Variants in CXXC1 observed in about 807,000 individuals in gnomAD.
CXXC1 encodes CXXC-type zinc finger protein 1.
A neutral mutation model predicts 83.6 loss-of-function variants in CXXC1; 21 were observed. That is an observed-to-expected ratio of 0.25 (90% CI 0.18 to 0.36). CXXC1 has a LOEUF of 0.36. Ranked by LOEUF, CXXC1 falls within the 10% of genes least tolerant of loss-of-function variation. CXXC1 has a pLI of 1.00. For synonymous variants in CXXC1, 371 were observed against 337.5 expected (o/e 1.10, Z -1.09); for missense variants, 688 against 919.5 (o/e 0.75, Z 3.26).
chr18:50,287,231 ACCCCCAGTCG>A, intron 1 of CXXC1: 1 of 477,664 alleles, frequency 2.1e-6, no homozygotes, highest in South Asian at 2.8e-5. Flanking sequence ...ACCCGCACCC[ACCCCCAGTCG>A]CGGCTGTCCA....
At position 50,285,866 on chromosome 18, in the gene CXXC1, T is replaced by A. The variant is rs759435355; in HGVS notation, c.522A>T (p.Ala174=). Residue 174 remains alanine, a synonymous_variant, in exon 5 of 15, where the codon GCA becomes GCT. Coordinates refer to ENST00000285106, the MANE Select transcript of CXXC1 (RefSeq NM_014593.4). This position sits in a 1 kb window ranked among gnomAD's most constrained non-coding sequence, Gnocchi z 4.4. The part of the protein sequence containing the change: ...RSARMCGECE[A]CRRTEDCGHC... Reference sequence around the variant, plus strand: ...GACCACAGTCCTCAGTGCGCCGACATGCCTCACACTCACCACACATGCGGG... The same window carrying A: ...GACCACAGTCCTCAGTGCGCCGACAAGCCTCACACTCACCACACATGCGGG... The A allele has an allele frequency of 8.1e-6, 13 of 1,614,214 alleles. No individual in the cohort carries two copies. The South Asian group carries it at 1.4e-4, about 18-fold the overall frequency.
At chr18:50,284,873 C>T (rs773783308) in intron 7 of CXXC1, 34 bp from the exon 8 acceptor site, 23 of 1,613,638 alleles carry the variant, frequency 1.4e-5, no homozygotes, top group African/African-American at 8.0e-5. Flanking sequence ...CCACCTGCCC[C>T]GCTCGTGACA....
At chr18:50,284,710 T>C (rs1257587693) in intron 8 of CXXC1, 22 bp downstream of exon 8, 1 of 1,611,358 alleles carries the variant, frequency 6.2e-7, no homozygotes, top group East Asian at 2.2e-5. Context: ...CCTTTCCACA[T>C]CCACTTTACC....
chr18:50,282,705 C>T lies in CXXC1; in HGVS notation c.1859G>A (p.Arg620His). ...YKLDELFEQE[R>H]NVRTAMTNRA... Reference sequence around the variant, plus strand: ...GTTTGTCATGGCTGTGCGCACATTGCGCTCCTGCTCAAACAGCTCGTCCAG... The same window carrying T: ...GTTTGTCATGGCTGTGCGCACATTGTGCTCCTGCTCAAACAGCTCGTCCAG... The change falls in exon 15 of 15, where the codon CGC becomes CAC. Residue 620 changes from arginine (R) to histidine (H), a missense_variant. Transcript: ENST00000285106. This position sits in a 1 kb window ranked among gnomAD's most constrained non-coding sequence, Gnocchi z 5.8. 1.9e-6 allele frequency: 3 copies of T among 1,613,858 alleles called. No individual in the cohort carries two copies. The highest frequency in any genetic ancestry group is 2.5e-6 in the Non-Finnish European group (3 of 1,180,032).
In CXXC1 at chr18:50,286,803, T is replaced by G. The variant is rs2040722019; in HGVS notation, c.59A>C (p.Glu20Ala). 1 of 1,614,138 alleles carries G rather than the reference T, an allele frequency of 6.2e-7. No individual in the cohort carries two copies. The highest frequency in any genetic ancestry group is 1.3e-5 in the African/African-American group (1 of 75,046). ...GTAGATGGGCGCATTCTCCCCATTC[T>G]CGGACTTGCTGTCCTCCCCGGCATC... is the stretch of plus-strand genomic sequence containing the variant. ...PPDAGEDSKSENGENAPIYCI... is the reference protein window; with the variant it reads ...PPDAGEDSKSANGENAPIYCI... The change falls in exon 2 of 15, where the codon GAG becomes GCG. Residue 20 changes from glutamate to alanine, a missense_variant. Physicochemically the swap from Glu to Ala is moderately radical, Grantham distance 107. Transcript: ENST00000285106.
Position 50,283,551 on chromosome 18 carries a change from G to A in CXXC1, c.1538C>T (p.Thr513Met), listed in dbSNP as rs760832916. The part of the protein sequence containing the change: ...ERCYAKYESQ[T>M]SFGSMYPTRI... ...TGTGGGGTACATGGACCCAAAGGAC[G>A]TCTGGCTCTCATACTGGAGGGATGA... is the stretch of plus-strand genomic sequence containing the variant. The change falls in exon 12 of 15, where the codon ACG becomes ATG. Residue 513 changes from threonine to methionine, a missense_variant. Physicochemically the swap from Thr to Met is moderately conservative, Grantham distance 81. Coordinates refer to ENST00000285106, the MANE Select transcript of CXXC1 (RefSeq NM_014593.4). 9.3e-6 allele frequency: 15 copies of A among 1,613,770 alleles called. No individual in the cohort carries two copies. Among genetic ancestry groups the A allele is most frequent in the African/African-American group, 4.0e-5 (3 of 74,786 alleles).
intron 13 of CXXC1, 102 bp from the exon 14 acceptor site, chr18:50,283,108 G>A (rs1342643314): frequency 4.3e-6 from 6 of 1,393,846 alleles, no homozygotes; most frequent in Non-Finnish European, 6.0e-6. Context: ...TTCAGGGAAC[G>A]GTGAGGAGGC....
Position 50,285,849 on chromosome 18 carries a change from T to C in CXXC1, c.539A>G (p.Asp180Gly). ...GECEACRRTE[D>G]CGHCDFCRDM... ...CCGACAGAAATCACAGTGACCACAG[T>C]CCTCAGTGCGCCGACATGCCTCACA... Residue 180 changes from aspartate to glycine, a missense_variant, in exon 5 of 15, where the codon GAC becomes GGC. By Grantham distance (94) the Asp-to-Gly change is moderately conservative. This residue lies in a region of CXXC1 where 35 missense variants were observed against 92.2 expected (regional missense o/e 0.38). Transcript: ENST00000285106. The surrounding 1 kb of genome is among the most constrained non-coding windows in gnomAD (Gnocchi z 4.4). 6.2e-7 allele frequency: 1 copy of C among 1,614,136 alleles called. No individual in the cohort carries two copies. Among genetic ancestry groups the C allele is most frequent in the Non-Finnish European group, 8.5e-7 (1 of 1,180,020 alleles).
At position 50,285,090 on chromosome 18, in the gene CXXC1, G is replaced by A. The variant is rs770912283; in HGVS notation, c.824C>T (p.Thr275Ile). ...TVKEPPEATA[T>I]PEPLSDEDLP... is the part of the protein sequence containing the mutation. ...GTCCTCATCTGAGAGTGGCTCAGGT[G>A]TGGCTGTAGCCTCAGGAGGCTCCTT... The change falls in exon 7 of 15, where the codon ACA becomes ATA. Residue 275 changes from threonine (T) to isoleucine (I), a missense_variant. By Grantham distance (89) the Thr-to-Ile change is moderately conservative. Around this residue, in one of 9 missense-constraint regions of CXXC1, gnomAD observed 190 missense variants for 199.7 expected, o/e 0.95. Coordinates refer to ENST00000285106, the MANE Select transcript of CXXC1 (RefSeq NM_014593.4). This position sits in a 1 kb window ranked among gnomAD's most constrained non-coding sequence, Gnocchi z 4.4. 6.2e-7 allele frequency: 1 copy of A among 1,614,256 alleles called. No individual in the cohort carries two copies. Among genetic ancestry groups the A allele is most frequent in the Non-Finnish European group, 8.5e-7 (1 of 1,180,038 alleles).
chr18:50,283,110 TGAG>T (rs1409505914), intron 13 of CXXC1, 104 bp from the exon 14 acceptor site: 17 of 1,376,392 alleles, frequency 1.2e-5, no homozygotes, highest in Admixed American at 3.5e-5. Flanking sequence ...CAGGGAACGG[TGAG>T]GAGGCATGGA....
In CXXC1 at chr18:50,284,741, A is replaced by G. The variant is rs775859432; in HGVS notation, c.1011T>C (p.Ser337=). The G allele has an allele frequency of 2.5e-6, 4 of 1,613,592 alleles. No homozygotes were observed. In the Admixed American group the frequency reaches 6.7e-5, roughly 27 times the overall value. The stretch of plus-strand genomic sequence containing the variant: ...TTACCCTCTCCATCACCTTCTTCTC[A>G]GACTTCTTCTCCCGACGCTTCACAT... ...VKHVKRREKK[S]EKKKEERYKR... is the part of the protein sequence containing the mutation. Residue 337 remains serine (S), a synonymous_variant, in exon 8 of 15, where the codon TCT becomes TCC. Transcript: ENST00000285106.
At position 50,285,911 on chromosome 18, in the gene CXXC1, C is replaced by T. The variant is rs2040704872; in HGVS notation, c.477G>A (p.Gln159=). 1 of 1,614,104 alleles carries T rather than the reference C, an allele frequency of 6.2e-7. No homozygotes were observed. Among genetic ancestry groups the T allele is most frequent in the African/African-American group, 1.3e-5 (1 of 75,044 alleles). ...TGCGGGCTGACCGTTTGATCTGCTG[C>T]TGCTGCTGCTGGTGATGCTGCAGGA... The part of the protein sequence containing the change: ...ATPSQHHQQQ[Q]QQIKRSARMC... The change falls in exon 5 of 15, where the codon CAG becomes CAA. Residue 159 remains glutamine (Q), a synonymous_variant. Transcript: ENST00000285106. This position sits in a 1 kb window ranked among gnomAD's most constrained non-coding sequence, Gnocchi z 4.4.
rs142342206 is a variant in CXXC1, at chr18:50,283,393, G to A, written c.1575-32C>T. The A allele has an allele frequency of 1.8e-5, 29 of 1,600,884 alleles. No individual in the cohort carries two copies. The African/African-American group carries it at 2.4e-4, about 13-fold the overall frequency. ...ATTTGGAGTAGAGAGGGCAGTAGAG[G>A]GAGGGAAGGGAGGTCCATCTGTCCT... On this transcript the variant is annotated intron_variant, in intron 12 of 14. Coordinates refer to ENST00000285106, the MANE Select transcript of CXXC1 (RefSeq NM_014593.4).
chr18:50,285,501 T>C lies in CXXC1; in HGVS notation c.640-150A>G, dbSNP rs911482511. 9.1e-6 allele frequency: 10 copies of C among 1,097,766 alleles called. No homozygotes were observed. The highest frequency in any genetic ancestry group is 1.3e-5 in the Non-Finnish European group (10 of 775,928). The allele number at this position is 1,097,766 out of a possible 1,614,324, so 68.0% of individuals were successfully genotyped here. ...GGAATGCTCAGCCCTGCCTGATCTGTACCAACATGCATGACCACCTGAAAA... is the reference window on the plus strand; with the variant it reads ...GGAATGCTCAGCCCTGCCTGATCTGCACCAACATGCATGACCACCTGAAAA... On this transcript the variant is annotated intron_variant, in intron 5 of 14. Transcript: ENST00000285106. The surrounding 1 kb of genome is among the most constrained non-coding windows in gnomAD (Gnocchi z 4.4).
In CXXC1 at chr18:50,283,013, G is replaced by A; in HGVS notation, c.1672-7C>T. Reference sequence around the variant, plus strand: ...ATACCTCGTCAGCTGGCACCTGCAAGGAGGCCAGGTTGGGGGGATGAATAG... The same window carrying A: ...ATACCTCGTCAGCTGGCACCTGCAAAGAGGCCAGGTTGGGGGGATGAATAG... On this transcript the variant is annotated splice_polypyrimidine_tract_variant and splice_region_variant and intron_variant, in intron 13 of 14. Transcript: ENST00000285106. The A allele has an allele frequency of 6.2e-7, 1 of 1,613,812 alleles. No individual in the cohort carries two copies. Among genetic ancestry groups the A allele is most frequent in the Non-Finnish European group, 8.5e-7 (1 of 1,180,006 alleles).
rs1235274833 is a variant in CXXC1, at chr18:50,284,386, C to T, written c.1197G>A (p.Leu399=). The T allele has an allele frequency of 6.5e-7, 1 of 1,540,828 alleles. No homozygotes were observed. The highest frequency in any genetic ancestry group is 2.0e-5 in the Admixed American group (1 of 49,966). The change falls in exon 9 of 15, where the codon CTG becomes CTA. Residue 399 remains leucine, a synonymous_variant. Transcript: ENST00000285106. ...KYCSDDCGMK[L]AANRIYEILP... ...TCTCAGGAATGACTCACTTGGCTGC[C>T]AGCTTCATGCCACAGTCATCTGAGC...
rs913141311 is a variant in CXXC1, at chr18:50,284,625, G to A, written c.1021-63C>T. The A allele has an allele frequency of 2.5e-6, 4 of 1,597,674 alleles. No homozygotes were observed. In the African/African-American group the frequency reaches 4.0e-5, roughly 16 times the overall value. On this transcript the variant is annotated intron_variant, in intron 8 of 14. Coordinates refer to ENST00000285106, the MANE Select transcript of CXXC1 (RefSeq NM_014593.4). ...AGTCAGCCCCAGACCCCAGACCCTT[G>A]CTCCATTCTAGCCCTTTCTGGCTCT...
chr18:50,287,530 A>G (rs1188260655), intron 1 of CXXC1, 57 bp downstream of exon 1: 2 of 1,604,408 alleles, frequency 1.2e-6, no homozygotes, highest in Non-Finnish European at 1.7e-6. Context: ...GACAGACCCC[A>G]CTGTTGCCAA....
intron 3 of CXXC1, 43 bp from the exon 4 acceptor site, chr18:50,286,300 G>A: frequency 6.6e-7 from 1 of 1,514,144 alleles, no homozygotes; most frequent in African/African-American, 1.4e-5. Flanking sequence ...AGCACTGGAT[G>A]GCTTGAATGG....
Sources: allele counts gnomAD v4.1 joint callset, GRCh38; gene constraint gnomAD v4.1.1; regional missense constraint gnomAD v4.1.1; non-coding constraint Gnocchi (gnomAD v3.1); transcripts MANE v1.5; gene names NCBI Gene and HGNC (gene_info 2026-07-23, HGNC 2026-07-21).